Variants in ERC1 observed in about 807,000 individuals in gnomAD.
The protein encoded by ERC1 is ELKS/RAB6-interacting/CAST family member 1, also known as RAB6 interacting protein 2.
A neutral mutation model predicts 132.0 loss-of-function variants in ERC1; 56 were observed. That is an observed-to-expected ratio of 0.42 (90% CI 0.34 to 0.53). ERC1 has a LOEUF of 0.53. Among genes scored for constraint, ERC1 ranks in the 20% least tolerant of loss-of-function variants. The pLI is 0.03. For missense variants in ERC1, 1,202 were observed against 1,349.9 expected (o/e 0.89, Z 1.72); for synonymous variants, 478 against 476.1 (o/e 1.00, Z -0.05).
chr12:1,402,614 A>AACACACACAC (rs56777839), intron 16 of ERC1, among the ~76,000 whole-genome samples: 1,683 of 144,964 alleles, frequency 0.012, 27 homozygotes, highest in South Asian at 0.039. Flanking sequence ...TGTAACCCCC[A>AACACACACAC]ACACACACAC....
chr12:1,367,859 C>T (rs2086807057), intron 15 of ERC1, among the ~76,000 whole-genome samples: 1 of 151,392 alleles, frequency 6.6e-6, no homozygotes, highest in African/African-American at 2.4e-5. Flanking sequence ...TGGATTTCTG[C>T]TGCTACCTAC....
intron 7 of ERC1, among the ~76,000 whole-genome samples, chr12:1,121,761 C>G (rs1444523300): frequency 2.0e-3 from 10 of 5,080 alleles, no homozygotes; most frequent in African/African-American, 3.2e-3. Flanking sequence ...ATCTCTATCT[C>G]TATCTATCTC....
chr12:1,382,211 T>C (rs1362266), intron 16 of ERC1, among the ~76,000 whole-genome samples: 44,356 of 152,070 alleles, frequency 0.29, 6,700 homozygotes, highest in Middle Eastern at 0.35. Flanking sequence ...ACACTTCACA[T>C]TTTACAAAGT....
At chr12:1,385,592 A>G (rs1341456845) in intron 16 of ERC1, among the ~76,000 whole-genome samples, 3 of 152,152 alleles carry the variant, frequency 2.0e-5, no homozygotes, top group African/African-American at 4.8e-5. Context: ...GCCCCTATCT[A>G]TCTTATTATT....
chr12:1,487,252 T>C (rs2094234504), intron 18 of ERC1, among the ~76,000 whole-genome samples: 1 of 152,152 alleles, frequency 6.6e-6, no homozygotes, highest in South Asian at 2.1e-4. Context: ...GAAGGAAGAT[T>C]GCTAGGTCTA....
chr12:1,190,270 C>T (rs1406381935), intron 12 of ERC1: 4 of 678,486 alleles, frequency 5.9e-6, no homozygotes, highest in Non-Finnish European at 1.1e-5. Context: ...AAGCTATGGG[C>T]TGTAACATAA....
chr12:1,183,552 C>A (rs866242649), intron 11 of ERC1, 131 bp downstream of exon 11: 45 of 493,210 alleles, frequency 9.1e-5, no homozygotes, highest in African/African-American at 7.8e-4. Flanking sequence ...CCATGTATAT[C>A]TGAATTAATT....
chr12:1,217,836 T>C (rs1958567921), intron 12 of ERC1, among the ~76,000 whole-genome samples: 1 of 152,204 alleles, frequency 6.6e-6, no homozygotes, highest in South Asian at 2.1e-4. Flanking sequence ...CTTTTCTCTT[T>C]TGTCACACTT....
rs567643649 is a variant in ERC1, at chr12:1,253,137, A to T, written c.2488-9897A>T. On this transcript the variant is annotated intron_variant, in intron 13 of 18. Transcript: ENST00000360905. ...TGTCAGAATGAGAGCTGGGAGAGGG[A>T]GGAGAGAATGTGGGAGATTGTTACT... 6.0e-4 allele frequency among the ~76,000 whole-genome samples: 91 copies of T among 152,242 alleles called. 1 individual carries two copies. Among genetic ancestry groups the T allele is most frequent in the African/African-American group, 2.1e-3 (87 of 41,546 alleles).
At chr12:1,048,293 A>G (rs1293080667) in intron 2 of ERC1, among the ~76,000 whole-genome samples, 1 of 152,194 alleles carries the variant, frequency 6.6e-6, no homozygotes, top group Non-Finnish European at 1.5e-5. Flanking sequence ...TTTGAAACCT[A>G]TCGTTCATTA....
In ERC1 at chr12:1,494,491, A is replaced by T. The variant is rs2094344365; in HGVS notation, c.*4261A>T. ...ATACATTACAGGGAAATCCTTCTGAACAAAATGGCTATCTTCACCTACTCT... is the reference window on the plus strand; with the variant it reads ...ATACATTACAGGGAAATCCTTCTGATCAAAATGGCTATCTTCACCTACTCT... On this transcript the variant is annotated 3_prime_UTR_variant, in exon 19 of 19. Transcript: ENST00000360905. The T allele has an allele frequency of 4.3e-6, 1 of 232,276 alleles. No homozygotes were observed. The highest frequency in any genetic ancestry group is 5.6e-5 in the Admixed American group (1 of 17,766). The allele number at this position is 232,276 out of a possible 1,614,324, so 14.4% of individuals were successfully genotyped here.
At chr12:1,091,260 A>G (rs1007274290) in intron 3 of ERC1, among the ~76,000 whole-genome samples, 2 of 152,208 alleles carry the variant, frequency 1.3e-5, no homozygotes, top group Non-Finnish European at 2.9e-5. Flanking sequence ...AATGCTGTGC[A>G]TCAGCACTGT....
At chr12:1,167,282 T>A (rs1952520567) in intron 8 of ERC1, among the ~76,000 whole-genome samples, 1 of 152,174 alleles carries the variant, frequency 6.6e-6, no homozygotes, top group South Asian at 2.1e-4. Context: ...TGGTCGCAGT[T>A]TTAAAGCAGA....
At chr12:1,316,618 C>CT (rs1437307336) in intron 15 of ERC1, among the ~76,000 whole-genome samples, 1 of 152,132 alleles carries the variant, frequency 6.6e-6, no homozygotes, top group South Asian at 2.1e-4. Context: ...AATAGGAACG[C>CT]TTTTATACTG....
chr12:1,079,915 C>T (rs1411412885), intron 2 of ERC1, among the ~76,000 whole-genome samples: 1 of 152,174 alleles, frequency 6.6e-6, no homozygotes, highest in Non-Finnish European at 1.5e-5. Context: ...TACAAAGATA[C>T]ATATAGAAAT....
At chr12:1,310,209 T>TTTTGTTTTGTTTTG (rs1566554198) in intron 15 of ERC1, among the ~76,000 whole-genome samples, 15 of 151,318 alleles carry the variant, frequency 9.9e-5, no homozygotes, top group East Asian at 3.9e-4. Context: ...AAACAGTTCT[T>TTTTGTTTTGTTTTG]TTTTATTTTA....
chr12:1,198,338 T>A (rs1184444688), intron 12 of ERC1, among the ~76,000 whole-genome samples: 1 of 152,228 alleles, frequency 6.6e-6, no homozygotes, highest in Non-Finnish European at 1.5e-5. Flanking sequence ...TTTTGGATCC[T>A]AAACTATTAA....
Position 1,471,855 on chromosome 12 carries a change from C to T in ERC1, c.3214-18238C>T, listed in dbSNP as rs866853797. On this transcript the variant is annotated intron_variant, in intron 18 of 18. Coordinates refer to ENST00000360905, the MANE Select transcript of ERC1 (RefSeq NM_178040.4). ...TCTTTTTCTCCATGGAGAGCTTGTGCACCTGGATGCAGTAGAGCCTGATCC... is the reference window on the plus strand; with the variant it reads ...TCTTTTTCTCCATGGAGAGCTTGTGTACCTGGATGCAGTAGAGCCTGATCC... Among the ~76,000 whole-genome samples, 3 of 152,196 alleles carry T rather than the reference C, an allele frequency of 2.0e-5. 1 individual carries two copies. The highest frequency in any genetic ancestry group is 3.2e-3 in the Middle Eastern group (1 of 314).
intron 12 of ERC1, among the ~76,000 whole-genome samples, chr12:1,196,632 C>A (rs548091884): frequency 2.0e-5 from 3 of 151,334 alleles, no homozygotes; most frequent in African/African-American, 7.3e-5. Flanking sequence ...TAGGTGGGAC[C>A]ACAGGCACAC....
Sources: allele counts gnomAD v4.1 joint callset (sites outside exome capture counted in the v4.1 genomes callset), GRCh38; gene constraint gnomAD v4.1.1; transcripts MANE v1.5; gene names NCBI Gene and HGNC (gene_info 2026-07-23, HGNC 2026-07-21).